CCSER2: variants seen among roughly 807,000 people sequenced by gnomAD.
CCSER2 encodes the protein serine-rich coiled-coil domain-containing protein 2.
CCSER2 carries 46 observed loss-of-function variants against 92.3 expected under a neutral mutation model. The ratio of observed to expected loss-of-function variants is 0.50; its 90% CI spans 0.39 to 0.64. The LOEUF (loss-of-function observed/expected upper bound fraction) is 0.64. Among genes scored for constraint, CCSER2 ranks in the 30% least tolerant of loss-of-function variants. The pLI, the probability that CCSER2 is intolerant of heterozygous loss-of-function variation, is 0.00. For missense variants in CCSER2, 1,244 were observed against 1,238.9 expected, an observed-to-expected ratio of 1.00 and a Z score of -0.06; for synonymous variants, 433 against 431.4, an observed-to-expected ratio of 1.00 and a Z score of -0.04.
intron 1 of CCSER2, among the ~76,000 whole-genome samples, chr10:84,365,542 T>C (rs910497100): frequency 1.3e-5 from 2 of 152,262 alleles, no homozygotes; most frequent in African/African-American, 4.8e-5. Flanking sequence ...TGCAATTATT[T>C]GTACATTTAG....
intron 3 of CCSER2, among the ~76,000 whole-genome samples, chr10:84,414,949 C>G (rs1415448955): frequency 6.6e-6 from 1 of 152,102 alleles, no homozygotes; most frequent in Non-Finnish European, 1.5e-5. Context: ...GCTATTGATA[C>G]TGGTGATTAC....
rs144450204 is a variant in CCSER2 at position 84,391,439 on chromosome 10, G to C, written c.1614+17624G>C. ...GCTAGAAGTTCGACAGAGTTATTTT[G>C]CCCTGTTAGGTGACCTCACAAAAGC... On this transcript the variant is annotated intron_variant, in intron 3 of 9. Coordinates refer to ENST00000372088, the MANE Select transcript of CCSER2 (RefSeq NM_001284240.2). The C allele has an allele frequency of 5.8e-6, 9 of 1,556,798 alleles. No individual in the cohort carries two copies. The African/African-American group carries it at 1.1e-4, about 19-fold the overall frequency.
intron 9 of CCSER2, among the ~76,000 whole-genome samples, chr10:84,512,202 A>T (rs373655065): frequency 6.6e-6 from 1 of 152,202 alleles, no homozygotes; most frequent in Non-Finnish European, 1.5e-5. Context: ...ATGATGCAGT[A>T]TAAATAGATC....
intron 6 of CCSER2, chr10:84,452,416 G>A (rs1052759427): frequency 6.6e-6 from 1 of 152,142 alleles, no homozygotes; most frequent in Non-Finnish European, 1.5e-5. Context: ...GTGGAAGATG[G>A]TTTGCTGACA....
chr10:84,391,810 G>T lies in CCSER2; in HGVS notation c.1614+17995G>T, dbSNP rs553184757. On this transcript the variant is annotated intron_variant, in intron 3 of 9. Coordinates refer to ENST00000372088, the MANE Select transcript of CCSER2 (RefSeq NM_001284240.2). ...AAGAGACAATGAGGAAAAGGATTCA[G>T]CATTCCGTGGAATTTGTACCATGAT... 21 of 1,564,274 alleles carry T rather than the reference G, an allele frequency of 1.3e-5. No homozygotes were observed. The African/African-American group carries it at 2.7e-4, about 20-fold the overall frequency.
chr10:84,479,432 T>C (rs913760554), intron 9 of CCSER2, among the ~76,000 whole-genome samples: 2 of 152,162 alleles, frequency 1.3e-5, no homozygotes, highest in Non-Finnish European at 2.9e-5. Flanking sequence ...TTTGAATGTA[T>C]TGAGATTTGT....
intron 3 of CCSER2, among the ~76,000 whole-genome samples, chr10:84,402,606 A>T (rs1842177490): frequency 6.6e-6 from 1 of 152,236 alleles, no homozygotes; most frequent in South Asian, 2.1e-4. Flanking sequence ...AGCAAAATAT[A>T]ACATCAATTA....
At chr10:84,391,346 A>C in intron 3 of CCSER2, 2 of 1,422,096 alleles carry the variant, frequency 1.4e-6, no homozygotes, top group Non-Finnish European at 2.0e-6. Flanking sequence ...ACTTGGAGGC[A>C]ACATTGAACA....
At chr10:84,481,057 C>T (rs1419714144) in intron 9 of CCSER2, among the ~76,000 whole-genome samples, 1 of 152,046 alleles carries the variant, frequency 6.6e-6, no homozygotes, top group Non-Finnish European at 1.5e-5. Context: ...CTAAGTATGA[C>T]CAGAAAGTGG....
intron 3 of CCSER2, among the ~76,000 whole-genome samples, chr10:84,398,456 G>A (rs1279002486): frequency 1.3e-5 from 2 of 152,022 alleles, no homozygotes; most frequent in African/African-American, 4.8e-5. Context: ...TGTTTTTATT[G>A]TAGTAGAATT....
chr10:84,485,552 G>A (rs910094952), intron 9 of CCSER2, among the ~76,000 whole-genome samples: 3 of 152,158 alleles, frequency 2.0e-5, no homozygotes, highest in Non-Finnish European at 4.4e-5. Context: ...TGCATCAGTA[G>A]TTAGTTTCTT....
At chr10:84,353,703 C>T (rs1472054725) in intron 1 of CCSER2, among the ~76,000 whole-genome samples, 2 of 152,180 alleles carry the variant, frequency 1.3e-5, no homozygotes, top group Non-Finnish European at 2.9e-5. Flanking sequence ...TTCTTCTGGA[C>T]TTAGCTGTAA....
intron 3 of CCSER2, among the ~76,000 whole-genome samples, chr10:84,390,275 A>G (rs1199363856): frequency 6.6e-6 from 1 of 152,154 alleles, no homozygotes; most frequent in Non-Finnish European, 1.5e-5. Context: ...TATCCTTAAA[A>G]TATTTACAGT....
chr10:84,388,859 GGC>G (rs1365647178), intron 3 of CCSER2, among the ~76,000 whole-genome samples: 1 of 152,188 alleles, frequency 6.6e-6, no homozygotes, highest in Non-Finnish European at 1.5e-5. Context: ...GCAGAGCTCA[GGC>G]AGTAATGCTC....
At position 84,516,501 on chromosome 10, in the gene CCSER2, T is replaced by C. The variant is rs1028864934; in HGVS notation, c.*2234T>C. 2 of 152,220 alleles carry C rather than the reference T, an allele frequency of 1.3e-5. No homozygotes were observed. Among genetic ancestry groups the C allele is most frequent in the African/African-American group, 2.4e-5 (1 of 41,458 alleles). 9.4% of individuals were successfully genotyped at this position (152,220 alleles called of 1,614,324 possible). A position where few individuals can be genotyped will look rare whatever the true frequency, so the allele number is the denominator to read the frequency against. ...TTGCAAATATGTGAATCATACTATA[T>C]TCCCCTAAAGTAAAACCAGTGACTT... On this transcript the variant is annotated 3_prime_UTR_variant, in exon 10 of 10. Coordinates refer to ENST00000372088, the MANE Select transcript of CCSER2 (RefSeq NM_001284240.2).
At chr10:84,388,741 G>A (rs941319757) in intron 3 of CCSER2, among the ~76,000 whole-genome samples, 2 of 152,120 alleles carry the variant, frequency 1.3e-5, no homozygotes, top group Non-Finnish European at 2.9e-5. Flanking sequence ...AGATCATCAG[G>A]CATTAGATTC....
intron 3 of CCSER2, among the ~76,000 whole-genome samples, chr10:84,414,521 T>C (rs1842801335): frequency 6.6e-6 from 1 of 152,194 alleles, no homozygotes; most frequent in African/African-American, 2.4e-5. Context: ...AGGTCTGCCA[T>C]TAGTCTGATT....
intron 6 of CCSER2, among the ~76,000 whole-genome samples, chr10:84,453,520 GT>G (rs1377549960): frequency 6.6e-6 from 1 of 152,196 alleles, no homozygotes; most frequent in Non-Finnish European, 1.5e-5. Flanking sequence ...AGCGTGGTCA[GT>G]TTTTATGATG....
In CCSER2 at chr10:84,470,430, A is replaced by G. The variant is rs1330708283; in HGVS notation, c.2207A>G (p.Glu736Gly). The change falls in exon 8 of 10, where the codon GAA becomes GGA. Residue 736 changes from glutamate (E) to glycine (G), a missense_variant. Physicochemically the swap from Glu to Gly is moderately conservative, Grantham distance 98 (BLOSUM62 -2). Coordinates refer to ENST00000372088, the MANE Select transcript of CCSER2 (RefSeq NM_001284240.2). Reference sequence around the variant, plus strand: ...AAAGACGAAATAAAGAAAAAAGATGAAAAGATCCAACTATTAGAACTTCAG... The same window carrying G: ...AAAGACGAAATAAAGAAAAAAGATGGAAAGATCCAACTATTAGAACTTCAG... Reference protein sequence around the residue: ...QLKDEIKKKDEKIQLLELQLA... With the variant: ...QLKDEIKKKDGKIQLLELQLA... The G allele has an allele frequency of 3.5e-6, 5 of 1,409,808 alleles. No homozygotes were observed. Among genetic ancestry groups the G allele is most frequent in the Non-Finnish European group, 4.7e-6 (5 of 1,053,108 alleles). 87.3% of individuals were successfully genotyped at this position (1,409,808 alleles called of 1,614,324 possible).
Sources: allele counts gnomAD v4.1 joint callset (sites outside exome capture counted in the v4.1 genomes callset), GRCh38; gene constraint gnomAD v4.1.1; transcripts MANE v1.5; gene names NCBI Gene and HGNC (gene_info 2026-07-23, HGNC 2026-07-21).